Variants in RNF220 observed in about 807,000 individuals in gnomAD.
The protein encoded by RNF220 is E3 ubiquitin-protein ligase RNF220.
RNF220 carries 7 observed loss-of-function variants against 67.1 expected under a neutral mutation model. That is an observed-to-expected ratio of 0.10 (90% CI 0.06 to 0.20). The LOEUF is 0.20. Ranked by LOEUF, RNF220 falls within the 10% of genes least tolerant of loss-of-function variation. The pLI is 1.00. For synonymous variants in RNF220, 270 were observed against 283.2 expected (o/e 0.95, Z 0.47); for missense variants, 565 against 740.3 (o/e 0.76, Z 2.75).
chr1:44,516,899 C>T (rs1659492168), intron 2 of RNF220, among the ~76,000 whole-genome samples: 1 of 152,130 alleles, frequency 6.6e-6, no homozygotes, highest in African/African-American at 2.4e-5. Flanking sequence ...GGATCTCTAA[C>T]AGACACTCTG....
intron 2 of RNF220, among the ~76,000 whole-genome samples, chr1:44,569,291 C>T (rs535874468): frequency 1.4e-4 from 21 of 152,214 alleles, no homozygotes; most frequent in Non-Finnish European, 1.9e-4. Flanking sequence ...AGGAGAAAAT[C>T]GCCTCATTCA....
At chr1:44,628,297 C>T (rs1300670520) in intron 5 of RNF220, among the ~76,000 whole-genome samples, 2 of 152,078 alleles carry the variant, frequency 1.3e-5, no homozygotes, top group African/African-American at 4.8e-5. Context: ...GACCCACCTT[C>T]CTCCCCACAA....
In RNF220 at chr1:44,600,587, G is replaced by A. The variant is rs578225803; in HGVS notation, c.626-13578G>A. Among the ~76,000 whole-genome samples the A allele has an allele frequency of 5.9e-5, 9 of 152,238 alleles. No individual in the cohort carries two copies. Among genetic ancestry groups the A allele is most frequent in the East Asian group, 1.9e-4 (1 of 5,190 alleles). On this transcript the variant is annotated intron_variant, in intron 2 of 14. Transcript: ENST00000361799. This position sits in a 1 kb window ranked among gnomAD's most constrained non-coding sequence, Gnocchi z 4.0. ...TGTAATCCCAGCACTTTGGGAGGCC[G>A]AGGTGGATGGATCACCTGAGGTCAG...
chr1:44,496,634 T>C lies in RNF220; in HGVS notation c.625+83912T>C, dbSNP rs1000416243. On this transcript the variant is annotated intron_variant, in intron 2 of 14. Transcript: ENST00000361799. ...TTCAGCAGGTCCCACTTTTCACCCC[T>C]GCCCTTGGCCACCTCCACAGTGGCA... Among the ~76,000 whole-genome samples the C allele has an allele frequency of 5.9e-5, 9 of 152,338 alleles. 1 individual carries two copies. The South Asian group carries it at 1.9e-3, about 32-fold the overall frequency.
At chr1:44,544,862 T>C (rs937076803) in intron 2 of RNF220, among the ~76,000 whole-genome samples, 1 of 152,210 alleles carries the variant, frequency 6.6e-6, no homozygotes, top group Non-Finnish European at 1.5e-5. Context: ...CAGGAGGGGT[T>C]GTTGTATGTC....
chr1:44,646,590 C>T (rs1263311387), intron 12 of RNF220, among the ~76,000 whole-genome samples: 1 of 152,206 alleles, frequency 6.6e-6, no homozygotes, highest in Non-Finnish European at 1.5e-5. Context: ...GGCACCCACC[C>T]TCGTCTGGAG....
In RNF220 at chr1:44,600,598, A is replaced by T. The variant is rs1189988355; in HGVS notation, c.626-13567A>T. 6.6e-6 allele frequency among the ~76,000 whole-genome samples: 1 copy of T among 152,160 alleles called. No homozygotes were observed. The highest frequency in any genetic ancestry group is 6.5e-5 in the Admixed American group (1 of 15,272). On this transcript the variant is annotated intron_variant, in intron 2 of 14. Transcript: ENST00000361799. This position sits in a 1 kb window ranked among gnomAD's most constrained non-coding sequence, Gnocchi z 4.0. ...CACTTTGGGAGGCCGAGGTGGATGGATCACCTGAGGTCAGGAGTTGGAGAC... is the reference window on the plus strand; with the variant it reads ...CACTTTGGGAGGCCGAGGTGGATGGTTCACCTGAGGTCAGGAGTTGGAGAC...
At chr1:44,545,934 A>G (rs1030038211) in intron 2 of RNF220, among the ~76,000 whole-genome samples, 2 of 151,922 alleles carry the variant, frequency 1.3e-5, no homozygotes, top group African/African-American at 4.8e-5. Context: ...TTTTCTATTT[A>G]TAGTAGAGAC....
chr1:44,592,596 T>C (rs1416376245), intron 2 of RNF220, among the ~76,000 whole-genome samples: 6 of 152,152 alleles, frequency 3.9e-5, no homozygotes, highest in Admixed American at 1.3e-4. Flanking sequence ...GATTCCCCGC[T>C]TGGGGCAGGA....
chr1:44,529,350 CACACACACACACACACAA>C (rs1660652548), intron 2 of RNF220, among the ~76,000 whole-genome samples: 1 of 150,136 alleles, frequency 6.7e-6, no homozygotes, highest in Non-Finnish European at 1.5e-5. Flanking sequence ...AAAGGAATTA[CACACACACACACACACAA>C]ACACACACAC....
intron 2 of RNF220, among the ~76,000 whole-genome samples, chr1:44,425,977 A>G (rs988582389): frequency 6.6e-6 from 1 of 152,002 alleles, no homozygotes; most frequent in East Asian, 1.9e-4. Context: ...CCGCAGCACT[A>G]TTTTTCTAGG....
intron 2 of RNF220, among the ~76,000 whole-genome samples, chr1:44,429,710 G>C (rs551365425): frequency 7.7e-4 from 117 of 152,314 alleles, no homozygotes; most frequent in African/African-American, 2.7e-3. Flanking sequence ...TTGTTTGATG[G>C]CCTACAGTTG....
At chr1:44,495,907 T>G (rs1253940920) in intron 2 of RNF220, among the ~76,000 whole-genome samples, 1 of 152,220 alleles carries the variant, frequency 6.6e-6, no homozygotes, top group Non-Finnish European at 1.5e-5. Flanking sequence ...ACTCAGCATA[T>G]GCTTACTGGA....
intron 2 of RNF220, among the ~76,000 whole-genome samples, chr1:44,468,015 T>A (rs926789189): frequency 5.3e-5 from 8 of 151,844 alleles, no homozygotes; most frequent in Admixed American, 2.6e-4. Flanking sequence ...CACACAACGT[T>A]TATTAAGTGT....
intron 3 of RNF220, among the ~76,000 whole-genome samples, chr1:44,615,169 A>G (rs1015413567): frequency 2.0e-5 from 3 of 152,196 alleles, no homozygotes; most frequent in Non-Finnish European, 4.4e-5. Context: ...ATAGCTTGCC[A>G]ACCTCGGGAT....
At chr1:44,615,469 C>T (rs1200249203) in intron 3 of RNF220, among the ~76,000 whole-genome samples, 7 of 152,168 alleles carry the variant, frequency 4.6e-5, no homozygotes, top group Admixed American at 3.9e-4. Flanking sequence ...GGACGGTCTG[C>T]CCCGCTCCTC....
chr1:44,489,869 C>G (rs1404618682), intron 2 of RNF220, among the ~76,000 whole-genome samples: 1 of 152,194 alleles, frequency 6.6e-6, no homozygotes, highest in African/African-American at 2.4e-5. Context: ...TGTCTCGCAG[C>G]TCTAAGTCTT....
At chr1:44,474,997 T>C (rs1655168331) in intron 2 of RNF220, among the ~76,000 whole-genome samples, 1 of 152,112 alleles carries the variant, frequency 6.6e-6, no homozygotes, top group African/African-American at 2.4e-5. Context: ...AGAATTTTTT[T>C]TTTCTATGAA....
At chr1:44,481,997 A>G (rs1185234786) in intron 2 of RNF220, among the ~76,000 whole-genome samples, 1 of 152,226 alleles carries the variant, frequency 6.6e-6, no homozygotes, top group African/African-American at 2.4e-5. Context: ...CAAAACAATG[A>G]GCACCCGCTT....
Sources: allele counts gnomAD v4.1 joint callset (sites outside exome capture counted in the v4.1 genomes callset), GRCh38; gene constraint gnomAD v4.1.1; non-coding constraint Gnocchi (gnomAD v3.1); transcripts MANE v1.5; gene names NCBI Gene and HGNC (gene_info 2026-07-23, HGNC 2026-07-21).